The following GATC variants were observed in gnomAD, a reference collection of about 807,000 sequenced individuals.
GATC encodes glutamyl-tRNA amidotransferase subunit C, also known as glutamyl-tRNA(Gln) amidotransferase subunit C, mitochondrial.
In GATC, 11 loss-of-function variants were observed where a neutral mutation model predicts 14.4. The observed-to-expected ratio is 0.77, with a 90% confidence interval of 0.48 to 1.27. The LOEUF (loss-of-function observed/expected upper bound fraction) is 1.27, where lower values mean the gene tolerates loss of function less well. Among genes scored for constraint, GATC ranks in the 50% most tolerant of loss-of-function variants. GATC has a pLI of 0.00. For missense variants in GATC, 204 were observed against 183.0 expected, an observed-to-expected ratio of 1.11 and a Z score of -0.66; for synonymous variants, 76 against 79.3, an observed-to-expected ratio of 0.96 and a Z score of 0.22.
rs1270427817 is a variant in GATC, at chr12:120,461,841, T to G, written c.*1882T>G. The G allele has an allele frequency of 9.7e-6, 6 of 619,000 alleles. No homozygotes were observed. Among genetic ancestry groups the G allele is most frequent in the Admixed American group, 3.9e-5 (1 of 25,776 alleles). 38.3% of individuals were successfully genotyped at this position (619,000 alleles called of 1,614,324 possible). A position where few individuals can be genotyped will look rare whatever the true frequency, so the allele number is the denominator to read the frequency against. On this transcript the variant is annotated 3_prime_UTR_variant, in exon 4 of 4. Coordinates refer to ENST00000551765, the MANE Select transcript of GATC (RefSeq NM_176818.3). The stretch of plus-strand genomic sequence containing the variant: ...AACCAAAACCACAATTTCTGCAGTT[T>G]AAAATGTTTCACTGCTAATATGGCC...
rs1015834173 is a variant in GATC, at chr12:120,461,132, CCTCT to C, written c.*1174_*1177del. 5 of 152,036 alleles carry C rather than the reference CCTCT, an allele frequency of 3.3e-5. No individual in the cohort carries two copies. Among genetic ancestry groups the C allele is most frequent in the African/African-American group, 1.2e-4 (5 of 41,384 alleles). The allele number at this position is 152,036 out of a possible 1,614,324, so 9.4% of individuals were successfully genotyped here. ...TTTAGTTTTCTGAGACAGGGGTCTC[CCTCT>C]GTCACCCAGGCTGGAGTGCAGTGGT... On this transcript the variant is annotated 3_prime_UTR_variant, in exon 4 of 4. Coordinates refer to ENST00000551765, the MANE Select transcript of GATC (RefSeq NM_176818.3).
At position 120,462,279 on chromosome 12, in the gene GATC, G is replaced by T; in HGVS notation, c.*2320G>T. On this transcript the variant is annotated 3_prime_UTR_variant, in exon 4 of 4. Transcript: ENST00000551765. ...ATTGAGCACTTACTGTGTACTCTGT[G>T]CCTGGCATGAGGCTATCTCATTAAA... is the stretch of plus-strand genomic sequence containing the variant. 1 of 1,112,702 alleles carries T rather than the reference G, an allele frequency of 9.0e-7. No homozygotes were observed. The highest frequency in any genetic ancestry group is 1.3e-6 in the Non-Finnish European group (1 of 792,840). 68.9% of individuals were successfully genotyped at this position (1,112,702 alleles called of 1,614,324 possible). A position where few individuals can be genotyped will look rare whatever the true frequency, so the allele number is the denominator to read the frequency against.
chr12:120,461,881 G>T lies in GATC; in HGVS notation c.*1922G>T. On this transcript the variant is annotated 3_prime_UTR_variant, in exon 4 of 4. Coordinates refer to ENST00000551765, the MANE Select transcript of GATC (RefSeq NM_176818.3). Reference sequence around the variant, plus strand: ...CTAATATGGCCCTGGTAGAAATTATGTAGTTTTTTTTCTTCTTTAAAAAAA... The same window carrying T: ...CTAATATGGCCCTGGTAGAAATTATTTAGTTTTTTTTCTTCTTTAAAAAAA... 2 of 899,914 alleles carry T rather than the reference G, an allele frequency of 2.2e-6. No individual in the cohort carries two copies. The highest frequency in any genetic ancestry group is 3.1e-6 in the Non-Finnish European group (2 of 649,520). 55.7% of individuals were successfully genotyped at this position (899,914 alleles called of 1,614,324 possible). A position where few individuals can be genotyped will look rare whatever the true frequency, so the allele number is the denominator to read the frequency against.
chr12:120,446,824 G>A lies in GATC; in HGVS notation c.249G>A (p.Glu83=), dbSNP rs1297098287. 1 of 1,599,964 alleles carries A rather than the reference G, an allele frequency of 6.3e-7. No homozygotes were observed. The part of the protein sequence containing the change: ...DGVEPMESVL[E]DRCLYLRSDN... ...TGGAGCCCATGGAATCGGTCCTGGAGGACAGGTAAACTCGCGGCTGCAGCC... is the reference window on the plus strand; with the variant it reads ...TGGAGCCCATGGAATCGGTCCTGGAAGACAGGTAAACTCGCGGCTGCAGCC... Residue 83 remains glutamate, a synonymous_variant, in exon 2 of 4, where the codon GAG becomes GAA. Transcript: ENST00000551765.
intron 2 of GATC, chr12:120,450,926 T>C (rs1366322080): frequency 6.6e-6 from 1 of 151,886 alleles, no homozygotes; most frequent in Non-Finnish European, 1.5e-5. Flanking sequence ...CAGATCACTT[T>C]AGGTCAGGAG....
intron 2 of GATC, among the ~76,000 whole-genome samples, chr12:120,452,665 G>A (rs955402420): frequency 1.3e-5 from 2 of 152,024 alleles, no homozygotes; most frequent in African/African-American, 2.4e-5. Context: ...GCCTCCCAAA[G>A]TGCTGGCATT....
intron 2 of GATC, 142 bp from the exon 3 acceptor site, chr12:120,456,934 G>A: frequency 1.6e-6 from 1 of 638,510 alleles, no homozygotes; most frequent in East Asian, 2.7e-5. Context: ...GTCTACTGTT[G>A]ATCCCAGCTT....
intron 3 of GATC, among the ~76,000 whole-genome samples, chr12:120,458,102 T>TA (rs1878235384): frequency 6.6e-6 from 1 of 151,128 alleles, no homozygotes; most frequent in African/African-American, 2.4e-5. Context: ...TCTTAAATTT[T>TA]TTTTTTTTTT....
intron 3 of GATC, among the ~76,000 whole-genome samples, chr12:120,459,018 G>A (rs1426064731): frequency 2.0e-5 from 3 of 151,984 alleles, no homozygotes; most frequent in Non-Finnish European, 4.4e-5. Context: ...CCACCACAAC[G>A]CCTGGCTAAT....
chr12:120,447,068 G>T (rs867131012), intron 2 of GATC, among the ~76,000 whole-genome samples: 16 of 118,148 alleles, frequency 1.4e-4, no homozygotes, highest in Admixed American at 4.1e-4. Flanking sequence ...TTTTTTTTTT[G>T]TTTGTTTGTT....
rs1262023856 is a variant in GATC at position 120,461,294 on chromosome 12, A to C, written c.*1335A>C. On this transcript the variant is annotated 3_prime_UTR_variant, in exon 4 of 4. Transcript: ENST00000551765. ...TTTAAGTAGAGGTGGGGGTTTTGCT[A>C]TGTTGCCTATCTGGTCGTGAACTCC... is the stretch of plus-strand genomic sequence containing the variant. The C allele has an allele frequency of 6.6e-6, 1 of 151,842 alleles. No individual in the cohort carries two copies. Among genetic ancestry groups the C allele is most frequent in the Non-Finnish European group, 1.5e-5 (1 of 67,992 alleles). The allele number at this position is 151,842 out of a possible 1,614,324, so 9.4% of individuals were successfully genotyped here. A position where few individuals can be genotyped will look rare whatever the true frequency, so the allele number is the denominator to read the frequency against.
intron 3 of GATC, among the ~76,000 whole-genome samples, chr12:120,458,726 T>C (rs1276264929): frequency 6.6e-6 from 1 of 152,162 alleles, no homozygotes; most frequent in Non-Finnish European, 1.5e-5. Flanking sequence ...AACTTCCAGT[T>C]CAGGATATCC....
At chr12:120,456,189 C>T (rs1217870404) in intron 2 of GATC, among the ~76,000 whole-genome samples, 1 of 152,194 alleles carries the variant, frequency 6.6e-6, no homozygotes, top group Non-Finnish European at 1.5e-5. Context: ...AGCAGGCTTA[C>T]ACACTTTTAC....
At chr12:120,451,163 T>G (rs1261449395) in intron 2 of GATC, among the ~76,000 whole-genome samples, 134 of 63,376 alleles carry the variant, frequency 2.1e-3, no homozygotes, top group Middle Eastern at 0.01. Flanking sequence ...AAAAAAAAGG[T>G]AGACTGGGCG....
At chr12:120,458,866 TTTTG>T (rs1878253872) in intron 3 of GATC, among the ~76,000 whole-genome samples, 3 of 152,078 alleles carry the variant, frequency 2.0e-5, no homozygotes, top group South Asian at 2.1e-4. Flanking sequence ...GAGCTAAACT[TTTTG>T]TTTGTTTTGA....
chr12:120,447,056 G>GTT (rs11340122), intron 2 of GATC, among the ~76,000 whole-genome samples: 2 of 142,598 alleles, frequency 1.4e-5, no homozygotes, highest in Non-Finnish European at 3.0e-5. Flanking sequence ...CACTGCCTTT[G>GTT]TTTTTTTTTT....
rs945448635 is a variant in GATC, at chr12:120,446,490, C to T, written c.10C>T (p.Arg4Trp). The part of the protein sequence containing the change: MWS[R>W]LVWLGLRAPL... ...GCCAAGGAAGGAAGAAATGTGGTCG[C>T]GGTTGGTGTGGCTGGGCCTTCGGGC... is the stretch of plus-strand genomic sequence containing the variant. Residue 4 changes from arginine to tryptophan, a missense_variant, in exon 1 of 4, where the codon CGG becomes TGG. By Grantham distance (101) the Arg-to-Trp change is moderately radical. Transcript: ENST00000551765. The T allele has an allele frequency of 6.2e-7, 1 of 1,607,374 alleles. No individual in the cohort carries two copies. The highest frequency in any genetic ancestry group is 8.5e-7 in the Non-Finnish European group (1 of 1,176,022).
chr12:120,454,233 C>T (rs886785430), intron 2 of GATC, among the ~76,000 whole-genome samples: 7 of 152,172 alleles, frequency 4.6e-5, no homozygotes, highest in African/African-American at 1.4e-4. Flanking sequence ...CTGAAAGGAG[C>T]AGGTGCTACT....
At chr12:120,457,357 TAGTAAC>T (rs1258399750) in intron 3 of GATC, among the ~76,000 whole-genome samples, 178 bp downstream of exon 3, 1 of 151,984 alleles carries the variant, frequency 6.6e-6, no homozygotes, top group African/African-American at 2.4e-5. Flanking sequence ...AGGGGGCAGT[TAGTAAC>T]AGGAACAAGC....
Sources: allele counts gnomAD v4.1 joint callset (sites outside exome capture counted in the v4.1 genomes callset), GRCh38; gene constraint gnomAD v4.1.1; transcripts MANE v1.5; gene names NCBI Gene and HGNC (gene_info 2026-07-23, HGNC 2026-07-21).